RBM39: variants seen among roughly 807,000 people sequenced by gnomAD.
The protein encoded by RBM39 is RNA-binding protein 39.
Under a neutral mutation model 79.6 loss-of-function variants are expected in RBM39, and 12 were observed. The observed-to-expected ratio is 0.15, with a 90% confidence interval of 0.10 to 0.24. The LOEUF (loss-of-function observed/expected upper bound fraction) is 0.24. Ranked by LOEUF, RBM39 falls within the 10% of genes least tolerant of loss-of-function variation. The pLI is 1.00. For missense variants in RBM39, 243 were observed against 653.4 expected (o/e 0.37, Z 6.85); for synonymous variants, 185 against 208.4 (o/e 0.89, Z 0.97).
intron 3 of RBM39, among the ~76,000 whole-genome samples, chr20:35,738,519 A>G (rs2040215200): frequency 6.6e-6 from 1 of 152,234 alleles, no homozygotes. Context: ...AGGGCCTCTG[A>G]GCAGCAAGTT....
chr20:35,718,074 T>C (rs1600467815), intron 9 of RBM39, among the ~76,000 whole-genome samples: 2 of 152,128 alleles, frequency 1.3e-5, no homozygotes, highest in Middle Eastern at 3.4e-3. Context: ...TTTGCCAGGA[T>C]GGTCTTGATC....
Position 35,724,564 on chromosome 20 carries a change from A to T in RBM39, c.687+6T>A, listed in dbSNP as rs200801873. On this transcript the variant is annotated splice_donor_region_variant and intron_variant, in intron 8 of 16. Transcript: ENST00000253363. ...TAATCAAACTCTTAACCAACAAAAAAATTACCTGTGATGCCTGTACTATGA... is the reference window on the plus strand; with the variant it reads ...TAATCAAACTCTTAACCAACAAAAATATTACCTGTGATGCCTGTACTATGA... 4,974 of 1,613,228 alleles carry T rather than the reference A, an allele frequency of 3.1e-3. 15 individuals are homozygous for T. Among genetic ancestry groups the T allele is most frequent in the Non-Finnish European group, 3.5e-3 (4,173 of 1,179,584 alleles).
chr20:35,714,536 C>T (rs1378688564), intron 10 of RBM39, 147 bp from the exon 11 acceptor site: 2 of 1,190,184 alleles, frequency 1.7e-6, no homozygotes, highest in African/African-American at 3.1e-5. Context: ...GTAGCAAACA[C>T]AACATACATG....
intron 10 of RBM39, among the ~76,000 whole-genome samples, chr20:35,714,750 A>T (rs1443366337): frequency 6.6e-6 from 1 of 152,172 alleles, no homozygotes; most frequent in Non-Finnish European, 1.5e-5. Context: ...AGAATTTAGT[A>T]CTTTTCTAAC....
At chr20:35,716,355 T>C (rs1400885828) in intron 10 of RBM39, among the ~76,000 whole-genome samples, 1 of 152,214 alleles carries the variant, frequency 6.6e-6, no homozygotes, top group East Asian at 1.9e-4. Context: ...ATTACAGGCA[T>C]AAGCCACCGC....
In RBM39 at chr20:35,703,799, T is replaced by C. The variant is rs2035420970; in HGVS notation, c.*682A>G. 6.6e-6 allele frequency: 1 copy of C among 152,506 alleles called. No individual in the cohort carries two copies. The highest frequency in any genetic ancestry group is 2.4e-5 in the African/African-American group (1 of 41,454). 9.4% of individuals were successfully genotyped at this position (152,506 alleles called of 1,614,324 possible). Reference sequence around the variant, plus strand: ...AACCAGACAAAACCTATTTCTGCATTTCCTATTTCTTTCTCAGACTGCTTT... The same window carrying C: ...AACCAGACAAAACCTATTTCTGCATCTCCTATTTCTTTCTCAGACTGCTTT... On this transcript the variant is annotated 3_prime_UTR_variant, in exon 17 of 17. Coordinates refer to ENST00000253363, the MANE Select transcript of RBM39 (RefSeq NM_184234.3).
chr20:35,728,007 C>T (rs986907274), intron 6 of RBM39, among the ~76,000 whole-genome samples: 6 of 151,940 alleles, frequency 3.9e-5, no homozygotes, highest in Non-Finnish European at 7.4e-5. Context: ...AGGCTGGTCT[C>T]GATCTCTTGA....
At chr20:35,722,050 G>GA (rs2038006363) in intron 8 of RBM39, among the ~76,000 whole-genome samples, 173 bp from the exon 9 acceptor site, 2 of 152,104 alleles carry the variant, frequency 1.3e-5, no homozygotes, top group South Asian at 4.1e-4. Flanking sequence ...GCAAAATTCA[G>GA]AAAGAGGAGG....
intron 8 of RBM39, among the ~76,000 whole-genome samples, chr20:35,722,192 CATCAAGAG>C (rs1334236498): frequency 1.3e-5 from 2 of 151,946 alleles, no homozygotes; most frequent in Non-Finnish European, 2.9e-5. Flanking sequence ...CAGATCACGA[CATCAAGAG>C]ATCAAGACCA....
intron 8 of RBM39, among the ~76,000 whole-genome samples, chr20:35,722,911 G>A (rs1233000064): frequency 6.6e-6 from 1 of 150,520 alleles, no homozygotes; most frequent in African/African-American, 2.4e-5. Context: ...TACAGCCTGG[G>A]CGACAGAGCG....
intron 6 of RBM39, among the ~76,000 whole-genome samples, chr20:35,729,048 C>T (rs2039074688): frequency 6.6e-6 from 1 of 151,330 alleles, no homozygotes; most frequent in Non-Finnish European, 1.5e-5. Flanking sequence ...TGCACTCCAT[C>T]CTGGGTGACT....
At chr20:35,717,485 T>C (rs570572240) in intron 9 of RBM39, among the ~76,000 whole-genome samples, 144 of 152,268 alleles carry the variant, frequency 9.5e-4, no homozygotes, top group Admixed American at 1.6e-3. Flanking sequence ...TTCCTTCCCA[T>C]TGTGCTAAAA....
intron 12 of RBM39, among the ~76,000 whole-genome samples, chr20:35,711,519 G>T (rs529662965): frequency 2.6e-5 from 4 of 152,278 alleles, no homozygotes; most frequent in African/African-American, 7.2e-5. Flanking sequence ...TCTGATTCTT[G>T]TAAGTATAAA....
chr20:35,706,778 A>G (rs1349870941), intron 14 of RBM39, among the ~76,000 whole-genome samples: 2 of 152,276 alleles, frequency 1.3e-5, no homozygotes, highest in African/African-American at 4.8e-5. Flanking sequence ...CTGTAATCCC[A>G]GCACTTTGGT....
Position 35,707,470 on chromosome 20 carries a change from T to C in RBM39, c.1226-269A>G, listed in dbSNP as rs188198898. On this transcript the variant is annotated intron_variant, in intron 13 of 16. Transcript: ENST00000253363. The stretch of plus-strand genomic sequence containing the variant: ...AATTAAACTTTATGTGTTATCAAAA[T>C]CAGTTCAATTAGACAAAATCTCAAT... The C allele has an allele frequency of 5.7e-4, 144 of 251,382 alleles. 1 individual carries two copies. The Admixed American group carries it at 6.1e-3, about 11-fold the overall frequency. The allele number at this position is 251,382 out of a possible 1,614,324, so 15.6% of individuals were successfully genotyped here.
intron 2 of RBM39, 169 bp downstream of exon 2, chr20:35,740,655 A>T: frequency 7.6e-7 from 1 of 1,317,118 alleles, no homozygotes; most frequent in Admixed American, 2.0e-5. Flanking sequence ...CTACTGCACA[A>T]TATTATTACA....
Position 35,716,661 on chromosome 20 carries a change from G to A in RBM39, c.891+79C>T. On this transcript the variant is annotated intron_variant, in intron 10 of 16. Transcript: ENST00000253363. ...GGACATCATTTAAGGCCAGGAGCTAGAGACTAATCTGAGCAACACAGCAAA... is the reference window on the plus strand; with the variant it reads ...GGACATCATTTAAGGCCAGGAGCTAAAGACTAATCTGAGCAACACAGCAAA... The A allele has an allele frequency of 5.8e-6, 5 of 860,954 alleles. No individual in the cohort carries two copies. In the South Asian group the frequency reaches 6.2e-5, roughly 11 times the overall value. The allele number at this position is 860,954 out of a possible 1,614,324, so 53.3% of individuals were successfully genotyped here.
At chr20:35,738,855 A>C (rs981106881) in intron 3 of RBM39, 113 bp downstream of exon 3, 6 of 936,036 alleles carry the variant, frequency 6.4e-6, no homozygotes, top group Non-Finnish European at 4.9e-6. Context: ...TAAAAGCAGC[A>C]AAGAAAAGCT....
At chr20:35,721,216 T>G (rs2037895643) in intron 9 of RBM39, among the ~76,000 whole-genome samples, 1 of 152,172 alleles carries the variant, frequency 6.6e-6, no homozygotes, top group Non-Finnish European at 1.5e-5. Context: ...GTTACAGGTG[T>G]GAGCCACCGC....
Sources: allele counts gnomAD v4.1 joint callset (sites outside exome capture counted in the v4.1 genomes callset), GRCh38; gene constraint gnomAD v4.1.1; transcripts MANE v1.5; gene names NCBI Gene and HGNC (gene_info 2026-07-23, HGNC 2026-07-21).